Variants in TMEM108 observed in about 807,000 individuals in gnomAD.
TMEM108 encodes transmembrane protein 108.
Under a neutral mutation model 35.1 loss-of-function variants are expected in TMEM108, and 12 were observed. The ratio of observed to expected loss-of-function variants is 0.34; its 90% CI spans 0.22 to 0.55. The LOEUF (loss-of-function observed/expected upper bound fraction) is 0.55, where lower values mean the gene tolerates loss of function less well. Ranked by LOEUF, TMEM108 falls within the 20% of genes least tolerant of loss-of-function variation. The pLI is 0.89. For missense variants in TMEM108, 680 were observed against 753.3 expected, an observed-to-expected ratio of 0.90 and a Z score of 1.14; for synonymous variants, 287 against 308.6, an observed-to-expected ratio of 0.93 and a Z score of 0.73.
At chr3:133,250,464 A>T (rs554254516) in intron 3 of TMEM108, among the ~76,000 whole-genome samples, 2 of 152,336 alleles carry the variant, frequency 1.3e-5, no homozygotes, top group South Asian at 4.1e-4. Context: ...TGTGCTAATC[A>T]ACTGTTTTGT....
intron 3 of TMEM108, among the ~76,000 whole-genome samples, chr3:133,326,105 A>G (rs2071329489): frequency 6.6e-6 from 1 of 152,190 alleles, no homozygotes; most frequent in Non-Finnish European, 1.5e-5. Context: ...CCACAACAAA[A>G]AGTAAAACAA....
At chr3:133,295,477 A>G (rs1947131900) in intron 3 of TMEM108, among the ~76,000 whole-genome samples, 1 of 152,246 alleles carries the variant, frequency 6.6e-6, no homozygotes, top group Non-Finnish European at 1.5e-5. Context: ...GTCAGCATGA[A>G]ATGAAACATC....
At chr3:133,283,137 ATTAT>A (rs1479195042) in intron 3 of TMEM108, among the ~76,000 whole-genome samples, 3 of 152,196 alleles carry the variant, frequency 2.0e-5, no homozygotes, top group Non-Finnish European at 4.4e-5. Context: ...TAAAAATATA[ATTAT>A]TTATGCCATT....
intron 3 of TMEM108, among the ~76,000 whole-genome samples, chr3:133,288,354 C>T (rs1947013882): frequency 6.6e-6 from 1 of 152,242 alleles, no homozygotes; most frequent in Non-Finnish European, 1.5e-5. Context: ...AGCTTTCCCT[C>T]ACCCAAAGAA....
chr3:133,198,191 T>A (rs1945607553), intron 2 of TMEM108, among the ~76,000 whole-genome samples: 1 of 152,224 alleles, frequency 6.6e-6, no homozygotes, highest in Non-Finnish European at 1.5e-5. Flanking sequence ...AACTTGTTTT[T>A]ATCACCTCTA....
intron 3 of TMEM108, chr3:133,247,756 A>G (rs185963800): frequency 6.6e-6 from 1 of 152,158 alleles, no homozygotes. Context: ...AGAATCTACT[A>G]TGTGCTAGGT....
At chr3:133,116,283 C>A (rs1159495787) in intron 2 of TMEM108, among the ~76,000 whole-genome samples, 1 of 152,152 alleles carries the variant, frequency 6.6e-6, no homozygotes, top group Non-Finnish European at 1.5e-5. Flanking sequence ...GTTTGCCCTT[C>A]AATTTTAGCA....
intron 3 of TMEM108, among the ~76,000 whole-genome samples, chr3:133,319,241 T>C (rs1276329786): frequency 6.6e-6 from 1 of 152,156 alleles, no homozygotes; most frequent in Non-Finnish European, 1.5e-5. Flanking sequence ...CGCCTGATGA[T>C]TTTTCTCTAC....
At chr3:133,276,357 A>G (rs977518913) in intron 3 of TMEM108, among the ~76,000 whole-genome samples, 4 of 152,202 alleles carry the variant, frequency 2.6e-5, no homozygotes, top group African/African-American at 9.7e-5. Context: ...CAGAAAGACC[A>G]TATAAAGCAG....
chr3:133,288,925 G>A (rs555012392), intron 3 of TMEM108, among the ~76,000 whole-genome samples: 1 of 152,166 alleles, frequency 6.6e-6, no homozygotes, highest in South Asian at 2.1e-4. Flanking sequence ...TAGTAGAGAT[G>A]GGGTTTCACC....
At chr3:133,208,655 C>T (rs1040376384) in intron 2 of TMEM108, among the ~76,000 whole-genome samples, 1 of 152,134 alleles carries the variant, frequency 6.6e-6, no homozygotes, top group South Asian at 2.1e-4. Flanking sequence ...CTCTAGAAGA[C>T]AAGAACATTG....
chr3:133,049,157 A>C (rs530288812), intron 2 of TMEM108, among the ~76,000 whole-genome samples: 7 of 152,218 alleles, frequency 4.6e-5, no homozygotes, highest in Non-Finnish European at 7.4e-5. Flanking sequence ...GTATTTTTCC[A>C]GGTGGTCAGA....
At chr3:133,247,605 A>G (rs1362150565) in intron 3 of TMEM108, 2 of 151,354 alleles carry the variant, frequency 1.3e-5, no homozygotes, top group Non-Finnish European at 2.9e-5. Flanking sequence ...ACTATTTTCA[A>G]TCCATATTTA....
chr3:133,039,094 A>AT (rs541257449), intron 1 of TMEM108, among the ~76,000 whole-genome samples: 37 of 147,498 alleles, frequency 2.5e-4, no homozygotes, highest in South Asian at 4.3e-4. Flanking sequence ...TTCAGGGGCT[A>AT]TTTTTTTTTT....
intron 3 of TMEM108, among the ~76,000 whole-genome samples, chr3:133,319,548 C>A (rs2071239941): frequency 6.6e-6 from 1 of 152,190 alleles, no homozygotes; most frequent in African/African-American, 2.4e-5. Context: ...ATGACAACTT[C>A]ACTGCTAACA....
intron 2 of TMEM108, among the ~76,000 whole-genome samples, chr3:133,179,373 A>T (rs1474810975): frequency 6.6e-6 from 1 of 152,210 alleles, no homozygotes; most frequent in Admixed American, 6.5e-5. Context: ...TTATTGTGGC[A>T]CTATTCACAA....
intron 2 of TMEM108, among the ~76,000 whole-genome samples, chr3:133,112,171 CAGG>C (rs992781397): frequency 6.6e-6 from 1 of 152,042 alleles, no homozygotes. Context: ...AGCTGGATTG[CAGG>C]AGAATGGTAA....
chr3:133,207,305 G>T (rs886269113), intron 2 of TMEM108, among the ~76,000 whole-genome samples: 1 of 144,908 alleles, frequency 6.9e-6, no homozygotes, highest in South Asian at 2.3e-4. Context: ...GCCTTCCATG[G>T]GCTGAACCCA....
At chr3:133,367,396 T>C (rs2072531607) in intron 3 of TMEM108, among the ~76,000 whole-genome samples, 1 of 152,202 alleles carries the variant, frequency 6.6e-6, no homozygotes, top group Admixed American at 6.5e-5. Flanking sequence ...GCTTTTTAAT[T>C]CCCAAGCACG....
Sources: allele counts gnomAD v4.1 joint callset (sites outside exome capture counted in the v4.1 genomes callset), GRCh38; gene constraint gnomAD v4.1.1; transcripts MANE v1.5; gene names NCBI Gene and HGNC (gene_info 2026-07-23, HGNC 2026-07-21).